The following TRPV2 variants were observed in gnomAD, a reference collection of about 807,000 sequenced individuals.
The protein encoded by TRPV2 is OTRPC2.
TRPV2 carries 58 observed loss-of-function variants against 91.0 expected under a neutral mutation model. The observed-to-expected ratio is 0.64, with a 90% confidence interval of 0.52 to 0.79. The LOEUF (loss-of-function observed/expected upper bound fraction) is 0.79. TRPV2 is among the 30% of genes least tolerant of loss of function. The pLI is 0.00. For missense variants in TRPV2, 807 were observed against 969.6 expected, an observed-to-expected ratio of 0.83 and a Z score of 2.23; for synonymous variants, 417 against 414.8, an observed-to-expected ratio of 1.01 and a Z score of -0.06.
At position 16,426,606 on chromosome 17, in the gene TRPV2, G is replaced by A. The variant is rs187940931; in HGVS notation, c.1096-116G>A. 65 of 1,275,842 alleles carry A rather than the reference G, an allele frequency of 5.1e-5. No homozygotes were observed. In the East Asian group the frequency reaches 1.4e-3, roughly 28 times the overall value. The allele number at this position is 1,275,842 out of a possible 1,614,324, so 79.0% of individuals were successfully genotyped here. On this transcript the variant is annotated intron_variant, in intron 6 of 14. Transcript: ENST00000338560. This position sits in a 1 kb window ranked among gnomAD's most constrained non-coding sequence, Gnocchi z 6.0. ...CCTTTGGGGCTCCTGGGGTGTGGAA[G>A]CCTGCTCCCTGTCCTCTCTCCTCAT... is the stretch of plus-strand genomic sequence containing the variant.
At chr17:16,428,705 G>C (rs1163074460) in intron 9 of TRPV2, 112 bp from the exon 10 acceptor site, 2 of 1,221,882 alleles carry the variant, frequency 1.6e-6, no homozygotes, top group South Asian at 1.4e-5. Context: ...GAGGCCCACA[G>C]AGGTTAAATG....
Position 16,417,676 on chromosome 17 carries a change from C to CA in TRPV2, c.9dup (p.Pro4ThrfsTer21). ...CAGCCTCCTCCTCCTAGGATGACCT[C>CA]ACCCTCCAGCTCTCCAGTTTTCAGG... On this transcript the variant is annotated frameshift_variant, in exon 2 of 15. Coordinates refer to ENST00000338560, the MANE Select transcript of TRPV2 (RefSeq NM_016113.5). LOFTEE classifies it high-confidence loss of function. The CA allele has an allele frequency of 1.3e-5, 21 of 1,614,102 alleles. No individual in the cohort carries two copies. The highest frequency in any genetic ancestry group is 1.8e-5 in the Non-Finnish European group (21 of 1,179,966).
intron 10 of TRPV2, 44 bp downstream of exon 10, chr17:16,429,026 A>G (rs2093398158): frequency 6.2e-7 from 1 of 1,601,556 alleles, no homozygotes; most frequent in African/African-American, 1.3e-5. Flanking sequence ...TGGCCTCATC[A>G]GGCAAGAAGA....
chr17:16,418,550 G>T (rs1358722817), intron 2 of TRPV2, among the ~76,000 whole-genome samples: 2 of 152,088 alleles, frequency 1.3e-5, no homozygotes, highest in Admixed American at 6.6e-5. Flanking sequence ...CATGCTTGAG[G>T]TACAGCCACC....
intron 10 of TRPV2, among the ~76,000 whole-genome samples, chr17:16,431,114 C>T (rs750911742): frequency 6.9e-6 from 1 of 145,384 alleles, no homozygotes; most frequent in Non-Finnish European, 1.5e-5. Flanking sequence ...TGCGGTGACA[C>T]GATCATAGCT....
chr17:16,431,292 T>TATACACATA lies in TRPV2; in HGVS notation c.1588-492_1588-491insATACACATA, dbSNP rs1491493192. Among the ~76,000 whole-genome samples, 16 of 16,294 alleles carry TATACACATA rather than the reference T, an allele frequency of 9.8e-4. 1 individual carries two copies. Among genetic ancestry groups the TATACACATA allele is most frequent in the African/African-American group, 5.4e-3 (16 of 2,976 alleles). The allele number at this position is 16,294 out of a possible 152,430, so 10.7% of individuals were successfully genotyped here. On this transcript the variant is annotated intron_variant, in intron 10 of 14. Coordinates refer to ENST00000338560, the MANE Select transcript of TRPV2 (RefSeq NM_016113.5). ...ATATATATATATATATATATACATA[T>TATACACATA]TTTTTTTTTTTTTTTTTTTGAGACG...
At chr17:16,424,530 A>G (rs186617671) in intron 5 of TRPV2, among the ~76,000 whole-genome samples, 1 of 152,010 alleles carries the variant, frequency 6.6e-6, no homozygotes, top group Non-Finnish European at 1.5e-5. Flanking sequence ...TCCTGACCTC[A>G]GGTGATCTGC....
intron 10 of TRPV2, among the ~76,000 whole-genome samples, chr17:16,431,278 TATATATATACA>T (rs1568918832): frequency 5.1e-5 from 4 of 77,794 alleles, no homozygotes; most frequent in African/African-American, 2.3e-4. Flanking sequence ...TATATATATA[TATATATATACA>T]TATTTTTTTT....
chr17:16,426,322 A>G lies in TRPV2; in HGVS notation c.1095+53A>G, dbSNP rs1453411600. The G allele has an allele frequency of 3.1e-6, 5 of 1,597,098 alleles. No homozygotes were observed. Among genetic ancestry groups the G allele is most frequent in the Non-Finnish European group, 4.3e-6 (5 of 1,169,596 alleles). The stretch of plus-strand genomic sequence containing the variant: ...CAGAGGACCCAGCAGAGTTTCCAGC[A>G]AGGTCCACAAATTGGGGCTGCCTGC... On this transcript the variant is annotated intron_variant, in intron 6 of 14. Transcript: ENST00000338560. The surrounding 1 kb of genome is among the most constrained non-coding windows in gnomAD (Gnocchi z 6.0).
intron 3 of TRPV2, 117 bp downstream of exon 3, chr17:16,420,365 C>A: frequency 7.7e-7 from 1 of 1,292,768 alleles, no homozygotes; most frequent in Non-Finnish European, 1.1e-6. Flanking sequence ...GCAGCCCTCC[C>A]ACTGGAAGGA....
At chr17:16,433,951 C>T (rs2093424453) in intron 13 of TRPV2, among the ~76,000 whole-genome samples, 2 of 152,204 alleles carry the variant, frequency 1.3e-5, no homozygotes, top group African/African-American at 2.4e-5. Flanking sequence ...TCAGACTCCT[C>T]CTTGTAGCCT....
At chr17:16,429,094 C>G (rs1002009075) in intron 10 of TRPV2, 112 bp downstream of exon 10, 2 of 1,209,034 alleles carry the variant, frequency 1.7e-6, no homozygotes, top group Non-Finnish European at 2.3e-6. Flanking sequence ...GCCTGTGCGC[C>G]AGCACTCAGA....
rs1460690666 is a variant in TRPV2 at position 16,428,535 on chromosome 17, G to A, written c.1421+148G>A. 9.0e-5 allele frequency: 82 copies of A among 911,746 alleles called. No homozygotes were observed. In the South Asian group the frequency reaches 1.2e-3, roughly 14 times the overall value. 56.5% of individuals were successfully genotyped at this position (911,746 alleles called of 1,614,324 possible). On this transcript the variant is annotated intron_variant, in intron 9 of 14. Transcript: ENST00000338560. ...TGTACAGGCCAGTCCCAGGAGTCTG[G>A]GCTGCCGTCCAGCCTGGGGCCCCTT...
At chr17:16,429,344 G>A (rs543331642) in intron 10 of TRPV2, among the ~76,000 whole-genome samples, 1 of 152,352 alleles carries the variant, frequency 6.6e-6, no homozygotes, top group South Asian at 2.1e-4. Flanking sequence ...TGTTTAGGGA[G>A]TGCCTACTGT....
chr17:16,437,002 A>C lies in TRPV2; in HGVS notation c.*113A>C, dbSNP rs7214366. Reference sequence around the variant, plus strand: ...TGGCAAATATATATTTTCACTAACTAACTCTTCTGGAAACATTATTTGGGC... The same window carrying C: ...TGGCAAATATATATTTTCACTAACTCACTCTTCTGGAAACATTATTTGGGC... On this transcript the variant is annotated 3_prime_UTR_variant, in exon 15 of 15. Coordinates refer to ENST00000338560, the MANE Select transcript of TRPV2 (RefSeq NM_016113.5). The C allele has an allele frequency of 0.35, 279,647 of 798,164 alleles. 51,359 individuals carry two copies. Among genetic ancestry groups the C allele is most frequent in the Non-Finnish European group, 0.37 (178,639 of 481,056 alleles). 49.4% of individuals were successfully genotyped at this position (798,164 alleles called of 1,614,324 possible).
In TRPV2 at chr17:16,435,775, C is replaced by T. The variant is rs1007687651; in HGVS notation, c.2194+806C>T. Among the ~76,000 whole-genome samples, 1 of 152,180 alleles carries T rather than the reference C, an allele frequency of 6.6e-6. No homozygotes were observed. The highest frequency in any genetic ancestry group is 2.4e-5 in the African/African-American group (1 of 41,444). On this transcript the variant is annotated intron_variant, in intron 14 of 14. Coordinates refer to ENST00000338560, the MANE Select transcript of TRPV2 (RefSeq NM_016113.5). This position sits in a 1 kb window ranked among gnomAD's most constrained non-coding sequence, Gnocchi z 4.2. ...CCATGGCCCCTGTTGTAGGGAGGCT[C>T]CTCTGGCCTCTTCTGCCCCACAGCC...
intron 2 of TRPV2, among the ~76,000 whole-genome samples, chr17:16,418,900 T>C (rs2093343433): frequency 6.6e-6 from 1 of 152,084 alleles, no homozygotes; most frequent in South Asian, 2.1e-4. Context: ...CTGGCTGTAA[T>C]TACAGTCATA....
At chr17:16,428,292 C>G in intron 8 of TRPV2, 25 bp from the exon 9 acceptor site, 1 of 1,612,902 alleles carries the variant, frequency 6.2e-7, no homozygotes, top group Middle Eastern at 1.7e-4. Flanking sequence ...GGTTTCACAG[C>G]CCTCTGTCCT....
At chr17:16,436,729 T>G in intron 14 of TRPV2, 60 bp from the exon 15 acceptor site, 6 of 1,255,264 alleles carry the variant, frequency 4.8e-6, no homozygotes, top group Non-Finnish European at 7.0e-6. Flanking sequence ...GTTTCCCTGG[T>G]GCCTGCTTCC....
Sources: gnomAD v4.1 joint callset for allele counts (sites outside exome capture counted in the v4.1 genomes callset) on GRCh38, gnomAD v4.1.1 for gene constraint, Gnocchi (gnomAD v3.1) non-coding constraint, MANE v1.5 for transcripts, NCBI Gene and HGNC (gene_info 2026-07-23, HGNC 2026-07-21) for gene names.